GALK2: variants seen among roughly 807,000 people sequenced by gnomAD.
The protein encoded by GALK2 is galactokinase 2.
GALK2 carries 36 observed loss-of-function variants against 52.4 expected under a neutral mutation model. The ratio of observed to expected loss-of-function variants is 0.69; its 90% CI spans 0.53 to 0.91. The LOEUF is 0.91. GALK2 is among the 40% of genes least tolerant of loss of function. The pLI is 0.00. For missense variants in GALK2, 579 were observed against 559.1 expected (o/e 1.04, Z -0.36); for synonymous variants, 176 against 199.1 (o/e 0.88, Z 0.98).
At chr15:49,195,510 C>T (rs1293084414) in intron 1 of GALK2, among the ~76,000 whole-genome samples, 1 of 152,102 alleles carries the variant, frequency 6.6e-6, no homozygotes, top group Non-Finnish European at 1.5e-5. Flanking sequence ...CCATTCTAGT[C>T]TCTAATTGGT....
chr15:49,235,007 C>G (rs1037584584), intron 3 of GALK2, among the ~76,000 whole-genome samples: 1 of 152,082 alleles, frequency 6.6e-6, no homozygotes, highest in Admixed American at 6.6e-5. Context: ...ACTTGTGATC[C>G]GCCTGCCTTG....
At chr15:49,207,351 T>C (rs1378707439) in intron 2 of GALK2, among the ~76,000 whole-genome samples, 2 of 152,196 alleles carry the variant, frequency 1.3e-5, no homozygotes, top group Non-Finnish European at 1.5e-5. Flanking sequence ...GCTGGCTTCA[T>C]AAAATGAATT....
chr15:49,358,318 G>T lies in GALK2; in HGVS notation c.427-9173G>T, dbSNP rs1294161283. ...AATTGTCCCTGTTTGCAGACGACAT[G>T]ATTGTGTATGTAGAAAACCCCATTG... On this transcript the variant is annotated intron_variant, in intron 3 of 3. Transcript: ENST00000558399. 1.7e-5 allele frequency among the ~76,000 whole-genome samples: 2 copies of T among 120,406 alleles called. 1 individual carries two copies. Among genetic ancestry groups the T allele is most frequent in the Non-Finnish European group, 3.7e-5 (2 of 54,702 alleles). The allele number at this position is 120,406 out of a possible 152,430, so 79.0% of individuals were successfully genotyped here. A position where few individuals can be genotyped will look rare whatever the true frequency, so the allele number is the denominator to read the frequency against.
At chr15:49,243,718 A>G (rs1191448849) in intron 5 of GALK2, among the ~76,000 whole-genome samples, 1 of 152,166 alleles carries the variant, frequency 6.6e-6, no homozygotes, top group Non-Finnish European at 1.5e-5. Context: ...AGAGAGATAA[A>G]AGAAAATGTT....
chr15:49,230,389 C>T (rs944379766), intron 3 of GALK2, among the ~76,000 whole-genome samples: 8 of 152,204 alleles, frequency 5.3e-5, no homozygotes, highest in East Asian at 1.9e-4. Context: ...CCTTTACCCA[C>T]GCTGAAGAGC....
chr15:49,198,104 C>G (rs2087399789), intron 1 of GALK2, among the ~76,000 whole-genome samples: 1 of 152,198 alleles, frequency 6.6e-6, no homozygotes, highest in Non-Finnish European at 1.5e-5. Flanking sequence ...AGTGCACTAA[C>G]ATTACTAACT....
At chr15:49,250,960 G>A (rs1015100172) in intron 5 of GALK2, among the ~76,000 whole-genome samples, 1 of 152,122 alleles carries the variant, frequency 6.6e-6, no homozygotes, top group Non-Finnish European at 1.5e-5. Flanking sequence ...TCAGTAGGGA[G>A]ATTAGATTAA....
intron 3 of GALK2, 150 bp from the exon 4 acceptor site, chr15:49,235,701 G>T: frequency 2.6e-6 from 2 of 764,828 alleles, no homozygotes; most frequent in Non-Finnish European, 4.8e-6. Flanking sequence ...TTAGCAGCTG[G>T]AGATGTTTTG....
At chr15:49,222,376 A>G (rs2089859529) in intron 3 of GALK2, among the ~76,000 whole-genome samples, 1 of 152,034 alleles carries the variant, frequency 6.6e-6, no homozygotes, top group Admixed American at 6.5e-5. Context: ...TTCAACTTGG[A>G]TCCTTCTATT....
At chr15:49,338,355 G>A (rs1308458053) in intron 3 of GALK2, among the ~76,000 whole-genome samples, 1 of 152,158 alleles carries the variant, frequency 6.6e-6, no homozygotes, top group Non-Finnish European at 1.5e-5. Context: ...TTCCTTGTCT[G>A]TAAAGATTTT....
chr15:49,320,297 C>T (rs931444500), intron 9 of GALK2, among the ~76,000 whole-genome samples: 9 of 152,126 alleles, frequency 5.9e-5, no homozygotes, highest in Admixed American at 2.0e-4. Flanking sequence ...CCCAGAAAGC[C>T]AGCATTTCCT....
At chr15:49,278,539 A>C (rs1395975011) in intron 5 of GALK2, among the ~76,000 whole-genome samples, 1 of 152,204 alleles carries the variant, frequency 6.6e-6, no homozygotes, top group African/African-American at 2.4e-5. Context: ...GAGCACTATA[A>C]GGTGCTTTTA....
chr15:49,242,549 C>T (rs16962180), intron 5 of GALK2, among the ~76,000 whole-genome samples: 4,710 of 152,300 alleles, frequency 0.031, 146 homozygotes, highest in African/African-American at 0.07. Flanking sequence ...AGATTGGTGA[C>T]TAAAGCCTTT....
At position 49,292,310 on chromosome 15, in the gene GALK2, T is replaced by C. The variant is rs1395707480; in HGVS notation, c.757-17T>C. The C allele has an allele frequency of 1.2e-6, 2 of 1,609,462 alleles. No individual in the cohort carries two copies. The highest frequency in any genetic ancestry group is 2.7e-5 in the African/African-American group (2 of 74,770). On this transcript the variant is annotated splice_polypyrimidine_tract_variant and intron_variant, in intron 7 of 9. Transcript: ENST00000560031. ...TTCTGAATCAAAACTGACCATTATC[T>C]TGATTTGAATTTGCAGCTCCTGGCT...
At chr15:49,333,821 A>G (rs1023389216), downstream of GALK2, among the ~76,000 whole-genome samples, 2 of 152,180 alleles carry the variant, frequency 1.3e-5, no homozygotes, top group African/African-American at 4.8e-5. Flanking sequence ...TGTTCTTCCT[A>G]TAGTTTAATT....
intron 2 of GALK2, among the ~76,000 whole-genome samples, chr15:49,210,957 T>TCACACACGCACACA (rs2088814062): frequency 8.9e-6 from 1 of 112,768 alleles, no homozygotes; most frequent in Non-Finnish European, 1.8e-5. Flanking sequence ...ATGTTGGCTG[T>TCACACACGCACACA]CACACACACA....
chr15:49,315,155 C>G (rs960614620), intron 8 of GALK2, among the ~76,000 whole-genome samples: 1 of 152,144 alleles, frequency 6.6e-6, no homozygotes, highest in Non-Finnish European at 1.5e-5. Context: ...TGGAGAAAAT[C>G]AGTGTTCTGA....
rs1378639717 is a variant in GALK2 at position 49,328,825 on chromosome 15, A to G, written c.*666A>G. 9 of 1,408,502 alleles carry G rather than the reference A, an allele frequency of 6.4e-6. No individual in the cohort carries two copies. Among genetic ancestry groups the G allele is most frequent in the South Asian group, 1.7e-5 (1 of 58,902 alleles). The allele number at this position is 1,408,502 out of a possible 1,614,324, so 87.3% of individuals were successfully genotyped here. A position where few individuals can be genotyped will look rare whatever the true frequency, so the allele number is the denominator to read the frequency against. On this transcript the variant is annotated 3_prime_UTR_variant, in exon 10 of 10. Coordinates refer to ENST00000560031, the MANE Select transcript of GALK2 (RefSeq NM_002044.4). ...GGATACAGGAAGAAAATTCAGACTC[A>G]TTTGAATATTTGTAAACCATGTAAT... is the stretch of plus-strand genomic sequence containing the variant.
intron 9 of GALK2, among the ~76,000 whole-genome samples, chr15:49,325,233 C>A (rs150227797): frequency 3.3e-5 from 5 of 152,306 alleles, no homozygotes; most frequent in Admixed American, 1.3e-4. Flanking sequence ...CCTTTGCCAT[C>A]GTGCTTTATA....
Sources: gnomAD v4.1 joint callset for allele counts (sites outside exome capture counted in the v4.1 genomes callset) on GRCh38, gnomAD v4.1.1 for gene constraint, MANE v1.5 for transcripts, NCBI Gene and HGNC (gene_info 2026-07-23, HGNC 2026-07-21) for gene names.